Variants in DPP6 observed in about 807,000 individuals in gnomAD.
DPP6 encodes dipeptidyl peptidase like 6.
In DPP6, 69 loss-of-function variants were observed where a neutral mutation model predicts 122.6. That is an observed-to-expected ratio of 0.56 (90% CI 0.46 to 0.69). The LOEUF (loss-of-function observed/expected upper bound fraction) is 0.69. DPP6 is among the 30% of genes least tolerant of loss of function. The pLI, the probability that DPP6 is intolerant of heterozygous loss-of-function variation, is 0.00. For missense variants in DPP6, 928 were observed against 1,116.9 expected, an observed-to-expected ratio of 0.83 and a Z score of 2.41; for synonymous variants, 418 against 433.1, an observed-to-expected ratio of 0.97 and a Z score of 0.43.
At chr7:154,111,159 A>T (rs1806544776) in intron 1 of DPP6, among the ~76,000 whole-genome samples, 1 of 152,128 alleles carries the variant, frequency 6.6e-6, no homozygotes. Flanking sequence ...AGACACATTC[A>T]GTTGTTGTTA....
intron 1 of DPP6, among the ~76,000 whole-genome samples, chr7:153,889,296 G>A (rs1415228441): frequency 6.6e-6 from 1 of 152,140 alleles, no homozygotes; most frequent in Non-Finnish European, 1.5e-5. Context: ...TAGCCATTGT[G>A]TTGTTCAGCA....
At chr7:154,294,954 C>G (rs1339145404) in intron 1 of DPP6, among the ~76,000 whole-genome samples, 1 of 152,198 alleles carries the variant, frequency 6.6e-6, no homozygotes, top group African/African-American at 2.4e-5. Context: ...CTGCCGTCGC[C>G]AAGGTCATCT....
At chr7:154,153,267 C>T (rs1295168477) in intron 1 of DPP6, among the ~76,000 whole-genome samples, 1 of 152,154 alleles carries the variant, frequency 6.6e-6, no homozygotes, top group African/African-American at 2.4e-5. Flanking sequence ...CTCACTGCAA[C>T]CTCTGCTTCC....
At chr7:154,091,882 A>G (rs1382843271) in intron 1 of DPP6, among the ~76,000 whole-genome samples, 4 of 152,192 alleles carry the variant, frequency 2.6e-5, no homozygotes, top group African/African-American at 9.7e-5. Flanking sequence ...CAAGGTTCAG[A>G]AGAGGCAGGA....
At chr7:154,246,552 A>G (rs1336523229) in intron 1 of DPP6, among the ~76,000 whole-genome samples, 7 of 152,244 alleles carry the variant, frequency 4.6e-5, no homozygotes, top group Non-Finnish European at 1.0e-4. Flanking sequence ...AAATTTGCAT[A>G]GGAATTAAGT....
At chr7:154,323,064 CA>C (rs35988110) in intron 1 of DPP6, among the ~76,000 whole-genome samples, 26 of 138,010 alleles carry the variant, frequency 1.9e-4, no homozygotes, top group Admixed American at 2.9e-4. Context: ...TAGCCCTGTT[CA>C]AAAAAAAAAA....
chr7:153,990,876 A>G (rs1054604619), intron 1 of DPP6, among the ~76,000 whole-genome samples: 1 of 152,106 alleles, frequency 6.6e-6, no homozygotes, highest in African/African-American at 2.4e-5. Context: ...TCGTTTTGAG[A>G]TTTTCTCTTA....
At chr7:154,033,856 C>T (rs199619186) in intron 1 of DPP6, among the ~76,000 whole-genome samples, 4 of 149,856 alleles carry the variant, frequency 2.7e-5, no homozygotes, top group Non-Finnish European at 5.9e-5. Flanking sequence ...GTGTTTTTTT[C>T]TTACAAATAA....
At position 153,964,999 on chromosome 7, in the gene DPP6, T is replaced by TTTCTTC. The variant is rs1563055951; in HGVS notation, c.51+77265_51+77266insTTCTTC. ...TTTTCCCTTCCTTCCTTCCTTCCTT[T>TTTCTTC]CTTCCTTCCTTCCTTCCTTCCTTCC... On this transcript the variant is annotated intron_variant, in intron 1 of 25. Transcript: ENST00000404039. Among the ~76,000 whole-genome samples the TTTCTTC allele has an allele frequency of 1.1e-3, 69 of 62,460 alleles. 1 individual carries two copies. The highest frequency in any genetic ancestry group is 4.7e-3 in the African/African-American group (62 of 13,160). The allele number at this position is 62,460 out of a possible 152,430, so 41.0% of individuals were successfully genotyped here. A position where few individuals can be genotyped will look rare whatever the true frequency, so the allele number is the denominator to read the frequency against.
intron 1 of DPP6, among the ~76,000 whole-genome samples, chr7:154,119,392 C>T (rs1415934131): frequency 6.6e-6 from 1 of 152,078 alleles, no homozygotes; most frequent in Admixed American, 6.6e-5. Flanking sequence ...AAAGCAACCA[C>T]TTCAATTTGG....
At chr7:153,875,196 G>A in the DPP6 span, among the ~76,000 whole-genome samples, 1 of 152,110 alleles carries the variant, frequency 6.6e-6, no homozygotes. Context: ...GTCAGAAGAT[G>A]GAGACATGAC....
intron 1 of DPP6, among the ~76,000 whole-genome samples, chr7:154,268,219 G>C (rs1029410383): frequency 6.6e-6 from 1 of 152,244 alleles, no homozygotes; most frequent in Non-Finnish European, 1.5e-5. Flanking sequence ...CACTGTTAGG[G>C]AGACAAAGCT....
intron 5 of DPP6, among the ~76,000 whole-genome samples, chr7:154,592,489 C>T (rs940765206): frequency 3.3e-5 from 5 of 152,168 alleles, no homozygotes; most frequent in South Asian, 2.1e-4. Context: ...CCCCTGCGCT[C>T]GTGGATCTTA....
At chr7:153,843,016 A>G in the DPP6 span, among the ~76,000 whole-genome samples, 1 of 151,776 alleles carries the variant, frequency 6.6e-6, no homozygotes, top group African/African-American at 2.4e-5. Context: ...ACACATACAC[A>G]CAAGCATGCA....
chr7:154,201,353 T>C (rs1465726176), intron 1 of DPP6, among the ~76,000 whole-genome samples: 4 of 152,194 alleles, frequency 2.6e-5, no homozygotes, highest in African/African-American at 9.7e-5. Flanking sequence ...AGTCTTGAAC[T>C]CCTGACCTCA....
chr7:153,884,289 C>T (rs1032656190), upstream of DPP6, among the ~76,000 whole-genome samples: 11 of 152,152 alleles, frequency 7.2e-5, no homozygotes, highest in African/African-American at 2.7e-4. Context: ...CAATAGTTTG[C>T]TGAGAATGAT....
intron 1 of DPP6, among the ~76,000 whole-genome samples, chr7:153,915,506 T>C (rs1800267718): frequency 6.6e-6 from 1 of 152,228 alleles, no homozygotes; most frequent in Non-Finnish European, 1.5e-5. Flanking sequence ...TTTTTAAGAA[T>C]AGTTTGCTTC....
chr7:154,868,981 C>G (rs1199506891), intron 18 of DPP6, among the ~76,000 whole-genome samples: 1 of 152,158 alleles, frequency 6.6e-6, no homozygotes, highest in South Asian at 2.1e-4. Flanking sequence ...CACCACTTAC[C>G]CATCACCTCT....
chr7:153,985,766 C>T (rs967052442), intron 1 of DPP6, among the ~76,000 whole-genome samples: 10 of 152,114 alleles, frequency 6.6e-5, no homozygotes, highest in Admixed American at 3.3e-4. Context: ...ATTTCCTAGA[C>T]GTGGGATTTG....
Sources: allele counts gnomAD v4.1 joint callset (sites outside exome capture counted in the v4.1 genomes callset), GRCh38; gene constraint gnomAD v4.1.1; transcripts MANE v1.5; gene names NCBI Gene and HGNC (gene_info 2026-07-23, HGNC 2026-07-21).